The following MDGA2 variants were observed in gnomAD, a reference collection of about 807,000 sequenced individuals.
MDGA2 encodes MAM domain-containing glycosylphosphatidylinositol anchor protein 2.
A neutral mutation model predicts 117.8 loss-of-function variants in MDGA2; 40 were observed. The observed-to-expected ratio is 0.34, with a 90% CI of 0.26 to 0.44. The LOEUF is 0.44. Ranked by LOEUF, MDGA2 falls within the 20% of genes least tolerant of loss-of-function variation. MDGA2 has a pLI of 1.00. For synonymous variants in MDGA2, 452 were observed against 439.0 expected (o/e 1.03, Z -0.37); for missense variants, 1,123 against 1,250.6 (o/e 0.90, Z 1.54).
At chr14:46,975,295 C>T (rs994614994) in intron 8 of MDGA2, among the ~76,000 whole-genome samples, 1 of 152,034 alleles carries the variant, frequency 6.6e-6, no homozygotes, top group Non-Finnish European at 1.5e-5. Flanking sequence ...AGTTGTTTCT[C>T]ACAATTTTAA....
intron 1 of MDGA2, among the ~76,000 whole-genome samples, chr14:47,548,119 G>A (rs912821798): frequency 5.9e-5 from 9 of 152,140 alleles, no homozygotes; most frequent in African/African-American, 2.2e-4. Flanking sequence ...ACATGCATGT[G>A]TAGAGTAACT....
At chr14:47,524,474 T>C (rs1894931309) in intron 1 of MDGA2, among the ~76,000 whole-genome samples, 1 of 152,190 alleles carries the variant, frequency 6.6e-6, no homozygotes, top group African/African-American at 2.4e-5. Flanking sequence ...GTATGGCTTC[T>C]AGAGAATTAA....
Position 47,192,623 on chromosome 14 carries a change from A to G in MDGA2, c.595+25398T>C, listed in dbSNP as rs547990787. ...GACACAGGGAGACCCTGTCTCAAAA[A>G]TAAAATAAATAAATAAAAATAAATA... On this transcript the variant is annotated intron_variant, in intron 3 of 16. Transcript: ENST00000399232. 1.1e-4 allele frequency among the ~76,000 whole-genome samples: 16 copies of G among 152,290 alleles called. No homozygotes were observed. The South Asian group carries it at 2.7e-3, about 26-fold the overall frequency.
chr14:47,522,629 C>A (rs1382921980), intron 1 of MDGA2, among the ~76,000 whole-genome samples: 1 of 152,056 alleles, frequency 6.6e-6, no homozygotes, highest in African/African-American at 2.4e-5. Flanking sequence ...GGAATAGAAT[C>A]AGCAATAATA....
chr14:47,263,645 A>C (rs1425282586), intron 2 of MDGA2, among the ~76,000 whole-genome samples: 1 of 152,146 alleles, frequency 6.6e-6, no homozygotes, highest in Non-Finnish European at 1.5e-5. Context: ...GGACTTTCTT[A>C]GGCCAACTCT....
chr14:47,172,813 A>G (rs998050701), intron 3 of MDGA2, among the ~76,000 whole-genome samples: 33 of 152,330 alleles, frequency 2.2e-4, no homozygotes, highest in African/African-American at 7.7e-4. Context: ...GACTTTGACA[A>G]GTTGAGAGAA....
At chr14:47,275,780 G>A (rs927884628) in intron 2 of MDGA2, among the ~76,000 whole-genome samples, 1 of 152,116 alleles carries the variant, frequency 6.6e-6, no homozygotes, top group African/African-American at 2.4e-5. Context: ...AACTGAAGCA[G>A]AGAAGCGCCC....
intron 7 of MDGA2, among the ~76,000 whole-genome samples, chr14:47,060,812 A>T (rs1004890642): frequency 1.3e-5 from 2 of 151,954 alleles, no homozygotes; most frequent in African/African-American, 4.8e-5. Flanking sequence ...CATTTCTTAC[A>T]TATTTTGCAT....
At chr14:46,843,254 T>C (rs763244706) in intron 16 of MDGA2, among the ~76,000 whole-genome samples, 1 of 152,320 alleles carries the variant, frequency 6.6e-6, no homozygotes, top group East Asian at 1.9e-4. Context: ...AGTTATGCTT[T>C]CTTTCTGCAC....
At chr14:47,157,193 A>C (rs2139257356) in intron 3 of MDGA2, among the ~76,000 whole-genome samples, 1 of 152,366 alleles carries the variant, frequency 6.6e-6, no homozygotes, top group East Asian at 1.9e-4. Context: ...CAATTTTTGA[A>C]TAACGGGTAA....
chr14:46,861,899 T>C (rs1881523929), intron 14 of MDGA2, among the ~76,000 whole-genome samples: 1 of 151,892 alleles, frequency 6.6e-6, no homozygotes, highest in African/African-American at 2.4e-5. Flanking sequence ...GTCAACAAAA[T>C]TAGAACTTGT....
intron 8 of MDGA2, among the ~76,000 whole-genome samples, chr14:46,968,235 G>A (rs1204284608): frequency 1.3e-5 from 2 of 152,186 alleles, no homozygotes; most frequent in South Asian, 4.2e-4. Context: ...CAAGACAAGG[G>A]GAGATCACCT....
chr14:47,420,466 A>G (rs1892556470), intron 1 of MDGA2, among the ~76,000 whole-genome samples: 1 of 152,140 alleles, frequency 6.6e-6, no homozygotes, highest in South Asian at 2.1e-4. Context: ...AATTAACTTG[A>G]AGATAGCAAA....
intron 1 of MDGA2, among the ~76,000 whole-genome samples, chr14:47,616,848 A>G (rs754996517): frequency 6.6e-6 from 1 of 152,240 alleles, no homozygotes; most frequent in South Asian, 2.1e-4. Context: ...TATACTAGGT[A>G]GTCACTAATC....
At position 47,561,158 on chromosome 14, in the gene MDGA2, G is replaced by GTT. The variant is rs200625450; in HGVS notation, c.280+113357_280+113358dup. ...CTATCTTTGTTTTTTTTTTTGTTTT[G>GTT]TTTTGTTTTTTTGTTTGTTTGTTTT... is the stretch of plus-strand genomic sequence containing the variant. On this transcript the variant is annotated intron_variant, in intron 1 of 16. Coordinates refer to ENST00000399232, the MANE Select transcript of MDGA2 (RefSeq NM_001113498.3). Among the ~76,000 whole-genome samples, 50 of 55,070 alleles carry GTT rather than the reference G, an allele frequency of 9.1e-4. 6 individuals are homozygous for GTT. The highest frequency in any genetic ancestry group is 1.3e-3 in the Non-Finnish European group (31 of 23,052). 36.1% of individuals were successfully genotyped at this position (55,070 alleles called of 152,430 possible). A position where few individuals can be genotyped will look rare whatever the true frequency, so the allele number is the denominator to read the frequency against.
At position 47,173,717 on chromosome 14, in the gene MDGA2, A is replaced by G. The variant is rs370697985; in HGVS notation, c.596-29443T>C. 6.6e-5 allele frequency among the ~76,000 whole-genome samples: 10 copies of G among 152,192 alleles called. No homozygotes were observed. In the East Asian group the frequency reaches 1.3e-3, roughly 21 times the overall value. ...ATCATGCCAAAATGTAAAGACCATC[A>G]AGACTAGGAAGAAACTGCATCAACT... On this transcript the variant is annotated intron_variant, in intron 3 of 16. Transcript: ENST00000399232.
chr14:47,084,015 G>A (rs1473576910), intron 6 of MDGA2, among the ~76,000 whole-genome samples: 1 of 151,992 alleles, frequency 6.6e-6, no homozygotes, highest in East Asian at 1.9e-4. Flanking sequence ...TAAATAGATG[G>A]AAAAACTACA....
chr14:47,315,622 C>T (rs1472642611), intron 1 of MDGA2, among the ~76,000 whole-genome samples: 2 of 152,028 alleles, frequency 1.3e-5, no homozygotes, highest in Non-Finnish European at 2.9e-5. Context: ...CATTTGAATT[C>T]TTTTCAATTC....
At chr14:47,159,682 T>A (rs948296117) in intron 3 of MDGA2, among the ~76,000 whole-genome samples, 12 of 152,282 alleles carry the variant, frequency 7.9e-5, no homozygotes, top group African/African-American at 2.9e-4. Context: ...CATTGTTACT[T>A]TATATTTGCA....
Sources: allele counts gnomAD v4.1 joint callset (sites outside exome capture counted in the v4.1 genomes callset), GRCh38; gene constraint gnomAD v4.1.1; transcripts MANE v1.5; gene names NCBI Gene and HGNC (gene_info 2026-07-23, HGNC 2026-07-21).